Variants in SYN3 observed in about 807,000 individuals in gnomAD.
SYN3 encodes the protein synapsin III.
Under a neutral mutation model 65.8 loss-of-function variants are expected in SYN3, and 35 were observed. That is an observed-to-expected ratio of 0.53 (90% CI 0.41 to 0.70). SYN3 has a LOEUF of 0.70. Ranked by LOEUF, SYN3 falls within the 30% of genes least tolerant of loss-of-function variation. SYN3 has a pLI of 0.00. For missense variants in SYN3, 680 were observed against 749.0 expected, an observed-to-expected ratio of 0.91 and a Z score of 1.08; for synonymous variants, 270 against 292.9, an observed-to-expected ratio of 0.92 and a Z score of 0.80.
At chr22:32,956,775 A>G (rs2051476534) in intron 3 of SYN3, among the ~76,000 whole-genome samples, 1 of 152,194 alleles carries the variant, frequency 6.6e-6, no homozygotes, top group Admixed American at 6.5e-5. Context: ...CCCTGCTTTC[A>G]ATTCTTCTGG....
chr22:33,021,589 C>T (rs2053559830), intron 1 of SYN3, among the ~76,000 whole-genome samples: 1 of 152,188 alleles, frequency 6.6e-6, no homozygotes, highest in South Asian at 2.1e-4. Context: ...TGCCTTTGCA[C>T]TGTCTGTTCC....
chr22:32,803,183 G>T (rs546372489), intron 6 of SYN3, among the ~76,000 whole-genome samples: 1 of 151,946 alleles, frequency 6.6e-6, no homozygotes, highest in African/African-American at 2.4e-5. Flanking sequence ...TGGGCTGGGC[G>T]GTGGGGTGGG....
intron 3 of SYN3, among the ~76,000 whole-genome samples, chr22:32,974,112 A>C (rs1052241830): frequency 1.7e-4 from 26 of 152,344 alleles, no homozygotes; most frequent in African/African-American, 6.3e-4. Flanking sequence ...TTAAAGAGGC[A>C]TTGTGAGGTT....
At chr22:32,703,082 C>G (rs890561564) in intron 6 of SYN3, among the ~76,000 whole-genome samples, 12 of 152,102 alleles carry the variant, frequency 7.9e-5, no homozygotes, top group Admixed American at 2.0e-4. Context: ...TCTTGGGTCT[C>G]CTTAAATCAG....
intron 6 of SYN3, among the ~76,000 whole-genome samples, chr22:32,714,117 C>T (rs571299150): frequency 6.6e-6 from 1 of 152,294 alleles, no homozygotes; most frequent in Admixed American, 6.5e-5. Flanking sequence ...ATAAGGTTAG[C>T]TTTTCCATGG....
chr22:32,732,474 T>C (rs1032807470), intron 6 of SYN3, among the ~76,000 whole-genome samples: 1 of 152,184 alleles, frequency 6.6e-6, no homozygotes, highest in Non-Finnish European at 1.5e-5. Context: ...CACACTAACC[T>C]AGCTCAGCAA....
intron 2 of SYN3, among the ~76,000 whole-genome samples, chr22:32,986,549 C>G (rs1038607839): frequency 6.6e-6 from 1 of 152,148 alleles, no homozygotes; most frequent in Non-Finnish European, 1.5e-5. Flanking sequence ...GCCTCCTTGC[C>G]GGGGGCTCAT....
At chr22:32,779,228 G>A (rs140752280) in intron 6 of SYN3, among the ~76,000 whole-genome samples, 2,493 of 152,284 alleles carry the variant, frequency 0.016, 58 homozygotes, top group African/African-American at 0.056. Context: ...GGGAGGCCGA[G>A]GTGGGTGGAT....
intron 12 of SYN3, among the ~76,000 whole-genome samples, chr22:32,520,141 G>T (rs947895970): frequency 1.9e-4 from 29 of 152,172 alleles, no homozygotes; most frequent in African/African-American, 6.3e-4. Flanking sequence ...AGGTATGTAT[G>T]TATATATATA....
chr22:32,665,611 T>C (rs1217268627), intron 6 of SYN3, among the ~76,000 whole-genome samples: 1 of 152,044 alleles, frequency 6.6e-6, no homozygotes, highest in Non-Finnish European at 1.5e-5. Context: ...AGCAGCAGAA[T>C]TTAATCACGC....
chr22:32,551,183 T>A (rs2058408726), intron 7 of SYN3, among the ~76,000 whole-genome samples: 1 of 152,160 alleles, frequency 6.6e-6, no homozygotes, highest in South Asian at 2.1e-4. Flanking sequence ...ATTGAGGCAA[T>A]GCTGATCAAT....
intron 6 of SYN3, among the ~76,000 whole-genome samples, chr22:32,733,752 C>T (rs1677354757): frequency 6.6e-6 from 1 of 152,168 alleles, no homozygotes; most frequent in Non-Finnish European, 1.5e-5. Context: ...TCTTGAAGCC[C>T]TCAGTGTAGA....
At chr22:32,639,829 G>A (rs896507661) in intron 6 of SYN3, among the ~76,000 whole-genome samples, 1 of 152,224 alleles carries the variant, frequency 6.6e-6, no homozygotes, top group African/African-American at 2.4e-5. Context: ...TTACAGGTGT[G>A]AGCCACCATG....
In SYN3 at chr22:32,533,901, GGGACAGAT is replaced by G; in HGVS notation, c.993-14_993-7del. On this transcript the variant is annotated splice_region_variant and splice_polypyrimidine_tract_variant and intron_variant, in intron 9 of 13. Transcript: ENST00000358763. The stretch of plus-strand genomic sequence containing the variant: ...TGTCCACCCACAGCCTGTACCTGCA[GGGACAGAT>G]GGACAGACAGTGAAGTGGCCTGGGA... 6.2e-7 allele frequency: 1 copy of G among 1,607,474 alleles called. No homozygotes were observed. The highest frequency in any genetic ancestry group is 8.5e-7 in the Non-Finnish European group (1 of 1,174,554).
chr22:32,797,502 G>A (rs2046457562), intron 6 of SYN3, among the ~76,000 whole-genome samples: 1 of 152,078 alleles, frequency 6.6e-6, no homozygotes, highest in Non-Finnish European at 1.5e-5. Context: ...GAAGAGTTCA[G>A]TAACTCCTGA....
At chr22:32,690,888 G>A (rs2060652996) in intron 6 of SYN3, among the ~76,000 whole-genome samples, 1 of 152,158 alleles carries the variant, frequency 6.6e-6, no homozygotes, top group Non-Finnish European at 1.5e-5. Flanking sequence ...GGAGAGAGAG[G>A]TCCATAAGCA....
chr22:32,625,322 C>T (rs1376134215), intron 6 of SYN3, among the ~76,000 whole-genome samples: 1 of 152,160 alleles, frequency 6.6e-6, no homozygotes, highest in East Asian at 1.9e-4. Context: ...CTTTTTGGAA[C>T]AATGGTTAGA....
At chr22:32,561,991 C>A (rs1164847797) in intron 7 of SYN3, among the ~76,000 whole-genome samples, 1 of 152,190 alleles carries the variant, frequency 6.6e-6, no homozygotes, top group African/African-American at 2.4e-5. Flanking sequence ...CCAGCATAAA[C>A]CTGCAACGTG....
intron 4 of SYN3, among the ~76,000 whole-genome samples, chr22:32,887,846 A>G (rs1412952084): frequency 6.6e-6 from 1 of 152,056 alleles, no homozygotes; most frequent in Non-Finnish European, 1.5e-5. Flanking sequence ...AACATATTTC[A>G]TTTTTCTTGG....
Sources: gnomAD v4.1 joint callset for allele counts (sites outside exome capture counted in the v4.1 genomes callset) on GRCh38, gnomAD v4.1.1 for gene constraint, MANE v1.5 for transcripts, NCBI Gene and HGNC (gene_info 2026-07-23, HGNC 2026-07-21) for gene names.